Variants in LRP8 observed in about 807,000 individuals in gnomAD.
LRP8 encodes LDL receptor related protein 8.
Under a neutral mutation model 111.6 loss-of-function variants are expected in LRP8, and 46 were observed. The observed-to-expected ratio is 0.41, with a 90% CI of 0.33 to 0.53. LRP8 has a LOEUF of 0.53. Ranked by LOEUF, LRP8 falls within the 20% of genes least tolerant of loss-of-function variation. The pLI is 0.20. For synonymous variants in LRP8, 464 were observed against 511.2 expected, an observed-to-expected ratio of 0.91 and a Z score of 1.24; for missense variants, 959 against 1,297.4, an observed-to-expected ratio of 0.74 and a Z score of 4.01.
chr1:53,262,389 C>T lies in LRP8; in HGVS notation c.1774+57G>A. ...GAAACAAGACTCATGGAGTTCCAGACAGTGATCAGGACAAGGCACTAGAAT... is the reference window on the plus strand; with the variant it reads ...GAAACAAGACTCATGGAGTTCCAGATAGTGATCAGGACAAGGCACTAGAAT... On this transcript the variant is annotated intron_variant, in intron 11 of 18. Transcript: ENST00000306052. This position sits in a 1 kb window ranked among gnomAD's most constrained non-coding sequence, Gnocchi z 4.8. 1 of 1,555,566 alleles carries T rather than the reference C, an allele frequency of 6.4e-7. No individual in the cohort carries two copies. Among genetic ancestry groups the T allele is most frequent in the East Asian group, 2.2e-5 (1 of 44,528 alleles).
rs199996797 is a variant in LRP8 at position 53,253,459 on chromosome 1, TA to T, written c.2503+1657del. On this transcript the variant is annotated intron_variant, in intron 16 of 18. Coordinates refer to ENST00000306052, the MANE Select transcript of LRP8 (RefSeq NM_004631.5). ...CTGTGAGTGGGCGATTCATAACAGA[TA>T]AAATATAAGTAAAGGGGCTGATAAG... Among the ~76,000 whole-genome samples, 1,441 of 152,186 alleles carry T rather than the reference TA, an allele frequency of 9.5e-3. 10 individuals carry two copies. Among genetic ancestry groups the T allele is most frequent in the Non-Finnish European group, 0.015 (987 of 67,974 alleles).
Position 53,242,816 on chromosome 1 carries a change from G to A in LRP8, c.*4202C>T, listed in dbSNP as rs1318409602. On this transcript the variant is annotated 3_prime_UTR_variant, in exon 19 of 19. Coordinates refer to ENST00000306052, the MANE Select transcript of LRP8 (RefSeq NM_004631.5). Reference sequence around the variant, plus strand: ...TTTCTCTTGTAGTTTTTGTAAAAAAGTATCAAAACCTTGGCTTTAAATATA... The same window carrying A: ...TTTCTCTTGTAGTTTTTGTAAAAAAATATCAAAACCTTGGCTTTAAATATA... The A allele has an allele frequency of 6.7e-6, 1 of 148,606 alleles. No individual in the cohort carries two copies. Among genetic ancestry groups the A allele is most frequent in the Non-Finnish European group, 1.5e-5 (1 of 67,322 alleles). The allele number at this position is 148,606 out of a possible 1,614,324, so 9.2% of individuals were successfully genotyped here. A position where few individuals can be genotyped will look rare whatever the true frequency, so the allele number is the denominator to read the frequency against.
rs762539197 is a variant in LRP8, at chr1:53,326,908, T to C, written c.209A>G (p.Asp70Gly). 1.9e-6 allele frequency: 3 copies of C among 1,613,914 alleles called. No homozygotes were observed. In the Admixed American group the frequency reaches 5.0e-5, roughly 27 times the overall value. Residue 70 changes from aspartate to glycine, a missense_variant, in exon 2 of 19, where the codon GAT becomes GGT. Coordinates refer to ENST00000306052, the MANE Select transcript of LRP8 (RefSeq NM_004631.5). The stretch of plus-strand genomic sequence containing the variant: ...CTCGTCGCTGTGGTCTAAGCAGTCA[T>C]CGTCCTCGTCGCATCTCCACACAGA... ...IPSVWRCDED[D>G]DCLDHSDEDD...
Position 53,266,824 on chromosome 1 carries a change from A to G in LRP8, c.1253-177T>C. 1 of 598,692 alleles carries G rather than the reference A, an allele frequency of 1.7e-6. No homozygotes were observed. The highest frequency in any genetic ancestry group is 3.0e-6 in the Non-Finnish European group (1 of 335,450). The allele number at this position is 598,692 out of a possible 1,614,324, so 37.1% of individuals were successfully genotyped here. A position where few individuals can be genotyped will look rare whatever the true frequency, so the allele number is the denominator to read the frequency against. On this transcript the variant is annotated intron_variant, in intron 8 of 18. Transcript: ENST00000306052. This position sits in a 1 kb window ranked among gnomAD's most constrained non-coding sequence, Gnocchi z 5.0. ...AAATAATGAGTACAGAAAGCAGAAG[A>G]TGCAGAGCACCACGCATAGCAGGAA...
chr1:53,268,910 C>T (rs982271024), intron 8 of LRP8, among the ~76,000 whole-genome samples: 3 of 152,210 alleles, frequency 2.0e-5, no homozygotes, highest in African/African-American at 4.8e-5. Context: ...ACCATCACCT[C>T]GCTTCTGGAT....
chr1:53,275,866 C>A lies in LRP8; in HGVS notation c.884-113G>T, dbSNP rs1646901498. 2 of 1,378,932 alleles carry A rather than the reference C, an allele frequency of 1.5e-6. No homozygotes were observed. The highest frequency in any genetic ancestry group is 9.8e-7 in the Non-Finnish European group (1 of 1,017,680). The allele number at this position is 1,378,932 out of a possible 1,614,324, so 85.4% of individuals were successfully genotyped here. On this transcript the variant is annotated intron_variant, in intron 5 of 18. Coordinates refer to ENST00000306052, the MANE Select transcript of LRP8 (RefSeq NM_004631.5). This position sits in a 1 kb window ranked among gnomAD's most constrained non-coding sequence, Gnocchi z 4.4. ...CCCCCAGCAAAAACAGAACCAGTGG[C>A]TGAACTCAGGAGTCCTCAAAGGACA...
intron 2 of LRP8, among the ~76,000 whole-genome samples, chr1:53,319,681 C>T (rs193060196): frequency 3.9e-5 from 6 of 152,318 alleles, no homozygotes; most frequent in Admixed American, 6.5e-5. Context: ...CCTGCCACTC[C>T]GGCTGCGGGG....
chr1:53,308,606 A>C (rs1652432412), intron 2 of LRP8, among the ~76,000 whole-genome samples: 1 of 152,230 alleles, frequency 6.6e-6, no homozygotes, highest in Non-Finnish European at 1.5e-5. Context: ...ACGGATCTCA[A>C]GTGAGTCGGG....
intron 2 of LRP8, among the ~76,000 whole-genome samples, chr1:53,302,123 G>A (rs1326636067): frequency 6.6e-6 from 1 of 152,154 alleles, no homozygotes; most frequent in Non-Finnish European, 1.5e-5. Context: ...TTTTAAGCTG[G>A]TCCTCAAAGA....
chr1:53,312,951 A>C (rs1051980798), intron 2 of LRP8, among the ~76,000 whole-genome samples: 3 of 152,182 alleles, frequency 2.0e-5, no homozygotes, highest in Non-Finnish European at 4.4e-5. Context: ...CTGAAAAGAG[A>C]GCAAAACCTC....
chr1:53,319,248 C>T (rs955706166), intron 2 of LRP8, among the ~76,000 whole-genome samples: 4 of 152,190 alleles, frequency 2.6e-5, no homozygotes, highest in Non-Finnish European at 4.4e-5. Context: ...AGATGCCCTC[C>T]AGAGTGGCTG....
chr1:53,266,141 C>T lies in LRP8; in HGVS notation c.1427+332G>A, dbSNP rs1646548011. ...AGGTTCCAACACACAGGGATGTGAGCTGCTTGGAAAGTCCTCCCCAAAGCC... is the reference window on the plus strand; with the variant it reads ...AGGTTCCAACACACAGGGATGTGAGTTGCTTGGAAAGTCCTCCCCAAAGCC... On this transcript the variant is annotated intron_variant, in intron 9 of 18. Coordinates refer to ENST00000306052, the MANE Select transcript of LRP8 (RefSeq NM_004631.5). The surrounding 1 kb of genome is among the most constrained non-coding windows in gnomAD (Gnocchi z 5.0). 6.6e-6 allele frequency among the ~76,000 whole-genome samples: 1 copy of T among 151,680 alleles called. No homozygotes were observed. The highest frequency in any genetic ancestry group is 2.4e-5 in the African/African-American group (1 of 41,338).
intron 2 of LRP8, among the ~76,000 whole-genome samples, chr1:53,312,195 G>A (rs1653124821): frequency 1.3e-5 from 2 of 152,306 alleles, no homozygotes; most frequent in South Asian, 4.1e-4. Context: ...AGGCCAGGGA[G>A]GGAGGTCACA....
chr1:53,302,675 A>G (rs1299134174), intron 2 of LRP8, among the ~76,000 whole-genome samples: 3 of 149,082 alleles, frequency 2.0e-5, no homozygotes, highest in Non-Finnish European at 4.4e-5. Flanking sequence ...CTCAAGCCAT[A>G]TGACCTTGGG....
intron 16 of LRP8, 34 bp downstream of exon 16, chr1:53,255,083 T>C (rs772218292): frequency 1.2e-6 from 2 of 1,610,276 alleles, no homozygotes; most frequent in African/African-American, 2.7e-5. Flanking sequence ...GCAGGGTCTC[T>C]CTTTTCTCTT....
intron 2 of LRP8, among the ~76,000 whole-genome samples, chr1:53,300,331 G>C (rs192658515): frequency 1.4e-4 from 21 of 152,296 alleles, no homozygotes; most frequent in African/African-American, 5.1e-4. Context: ...AGCATCAGCT[G>C]TTCATGGTGT....
Position 53,246,395 on chromosome 1 carries a change from C to T in LRP8, c.*623G>A, listed in dbSNP as rs1645727222. 6.6e-6 allele frequency: 1 copy of T among 152,182 alleles called. No individual in the cohort carries two copies. The highest frequency in any genetic ancestry group is 2.4e-5 in the African/African-American group (1 of 41,410). 9.4% of individuals were successfully genotyped at this position (152,182 alleles called of 1,614,324 possible). A position where few individuals can be genotyped will look rare whatever the true frequency, so the allele number is the denominator to read the frequency against. ...TCTCTACAGATTTTTCTGTCACACA[C>T]ATACACATATAAACACACACATACA... is the stretch of plus-strand genomic sequence containing the variant. On this transcript the variant is annotated 3_prime_UTR_variant, in exon 19 of 19. Coordinates refer to ENST00000306052, the MANE Select transcript of LRP8 (RefSeq NM_004631.5).
At chr1:53,313,950 A>G (rs1653439231) in intron 2 of LRP8, among the ~76,000 whole-genome samples, 1 of 152,164 alleles carries the variant, frequency 6.6e-6, no homozygotes, top group African/African-American at 2.4e-5. Flanking sequence ...GAGATCCAGG[A>G]AGGGCATGGC....
intron 2 of LRP8, among the ~76,000 whole-genome samples, chr1:53,312,946 AAG>A (rs1293435780): frequency 1.3e-5 from 2 of 152,208 alleles, no homozygotes; most frequent in African/African-American, 2.4e-5. Flanking sequence ...TTTCGCTGAA[AAG>A]AGAGCAAAAC....
Sources: allele counts gnomAD v4.1 joint callset (sites outside exome capture counted in the v4.1 genomes callset), GRCh38; gene constraint gnomAD v4.1.1; non-coding constraint Gnocchi (gnomAD v3.1); transcripts MANE v1.5; gene names NCBI Gene and HGNC (gene_info 2026-07-23, HGNC 2026-07-21).